CNTN4: variants seen among roughly 807,000 people sequenced by gnomAD.
CNTN4 encodes the protein contactin 4.
In CNTN4, 77 loss-of-function variants were observed where a neutral mutation model predicts 122.5. The observed-to-expected ratio is 0.63, with a 90% CI of 0.52 to 0.76. The LOEUF is 0.76. CNTN4 is among the 30% of genes least tolerant of loss of function. CNTN4 has a pLI of 0.00. For missense variants in CNTN4, 1,256 were observed against 1,259.1 expected (o/e 1.00, Z 0.04); for synonymous variants, 512 against 447.0 (o/e 1.15, Z -1.83).
intron 7 of CNTN4, among the ~76,000 whole-genome samples, chr3:2,830,120 G>A (rs777227169): frequency 2.0e-5 from 3 of 152,020 alleles, no homozygotes; most frequent in Non-Finnish European, 2.9e-5. Flanking sequence ...TTGTGCAAAC[G>A]TTTCTATGTG....
intron 3 of CNTN4, among the ~76,000 whole-genome samples, chr3:2,416,403 A>G (rs1047617377): frequency 6.6e-6 from 1 of 152,196 alleles, no homozygotes; most frequent in African/African-American, 2.4e-5. Context: ...GCGTTATATA[A>G]CATATGTAAA....
At chr3:2,696,880 C>T (rs2222105) in intron 4 of CNTN4, among the ~76,000 whole-genome samples, 1 of 152,194 alleles carries the variant, frequency 6.6e-6, no homozygotes, top group Non-Finnish European at 1.5e-5. Context: ...CAAACTTTGT[C>T]TGGAGCATCC....
chr3:2,308,735 T>C (rs1240968747), intron 2 of CNTN4, among the ~76,000 whole-genome samples: 1 of 152,132 alleles, frequency 6.6e-6, no homozygotes, highest in Non-Finnish European at 1.5e-5. Flanking sequence ...TTTAATTTTA[T>C]TGTGGTCAGA....
intron 3 of CNTN4, among the ~76,000 whole-genome samples, chr3:2,457,758 T>G (rs1368347492): frequency 6.6e-6 from 1 of 152,110 alleles, no homozygotes; most frequent in Non-Finnish European, 1.5e-5. Flanking sequence ...TGCAGAAATT[T>G]CCATGTCCCT....
At chr3:2,969,533 T>TGA (rs1692684998) in intron 13 of CNTN4, among the ~76,000 whole-genome samples, 1 of 152,062 alleles carries the variant, frequency 6.6e-6, no homozygotes, top group African/African-American at 2.4e-5. Context: ...ATTATTATTA[T>TGA]TATTATTCCT....
intron 4 of CNTN4, among the ~76,000 whole-genome samples, chr3:2,607,029 G>T (rs901586229): frequency 3.9e-5 from 6 of 152,062 alleles, no homozygotes; most frequent in African/African-American, 1.4e-4. Context: ...CCTATCCCCA[G>T]GTTTTTAGGA....
intron 14 of CNTN4, among the ~76,000 whole-genome samples, chr3:2,998,755 A>G (rs1175267091): frequency 6.6e-6 from 1 of 152,188 alleles, no homozygotes; most frequent in Non-Finnish European, 1.5e-5. Flanking sequence ...AAGTGAGGGG[A>G]ACACACCCAT....
chr3:2,592,364 A>G (rs539452768), intron 4 of CNTN4, among the ~76,000 whole-genome samples: 3 of 152,338 alleles, frequency 2.0e-5, no homozygotes, highest in African/African-American at 7.2e-5. Flanking sequence ...AATATAATTC[A>G]AAGTGTTTAA....
At chr3:2,169,629 CCT>C (rs2036370152) in intron 2 of CNTN4, among the ~76,000 whole-genome samples, 1 of 151,806 alleles carries the variant, frequency 6.6e-6, no homozygotes, top group Non-Finnish European at 1.5e-5. Context: ...GATCTCCTGA[CCT>C]CGTGATCCAC....
chr3:2,260,301 A>G (rs1330046569), intron 2 of CNTN4, among the ~76,000 whole-genome samples: 1 of 152,012 alleles, frequency 6.6e-6, no homozygotes, highest in Non-Finnish European at 1.5e-5. Context: ...ACCCTGTAGC[A>G]CCACCCGAGT....
chr3:2,434,457 A>G (rs2048190200), intron 3 of CNTN4, among the ~76,000 whole-genome samples: 1 of 152,230 alleles, frequency 6.6e-6, no homozygotes, highest in Non-Finnish European at 1.5e-5. Context: ...AGGAGAATGT[A>G]AATGGAGAAG....
At chr3:2,783,023 A>G (rs755389378) in intron 6 of CNTN4, among the ~76,000 whole-genome samples, 4 of 152,224 alleles carry the variant, frequency 2.6e-5, no homozygotes, top group Non-Finnish European at 4.4e-5. Flanking sequence ...TTACGCCTGT[A>G]ATCACAGCAC....
At chr3:2,225,160 C>CCAA (rs10632045) in intron 2 of CNTN4, among the ~76,000 whole-genome samples, 20,387 of 148,994 alleles carry the variant, frequency 0.14, 1,885 homozygotes, top group African/African-American at 0.27. Context: ...CCACCACCCC[C>CCAA]AAAAAAAAAG....
At chr3:2,651,305 G>T (rs115776969) in intron 4 of CNTN4, among the ~76,000 whole-genome samples, 23 of 152,220 alleles carry the variant, frequency 1.5e-4, no homozygotes, top group African/African-American at 5.3e-4. Context: ...CTTCCTTTGT[G>T]CTCCCGATGA....
At chr3:2,658,441 A>G (rs558562644) in intron 4 of CNTN4, among the ~76,000 whole-genome samples, 19 of 152,324 alleles carry the variant, frequency 1.2e-4, no homozygotes, top group African/African-American at 4.6e-4. Context: ...ATGACTATGA[A>G]GGCAGGTACC....
chr3:2,647,050 T>G (rs2083155192), intron 4 of CNTN4, among the ~76,000 whole-genome samples: 1 of 152,090 alleles, frequency 6.6e-6, no homozygotes, highest in Non-Finnish European at 1.5e-5. Context: ...TTTTCAGAAC[T>G]GATATTAAAT....
At chr3:2,452,362 T>G (rs1027816288) in intron 3 of CNTN4, among the ~76,000 whole-genome samples, 1 of 152,160 alleles carries the variant, frequency 6.6e-6, no homozygotes, top group Admixed American at 6.5e-5. Context: ...TCATGCGAAT[T>G]CACCGAGGCT....
intron 2 of CNTN4, among the ~76,000 whole-genome samples, chr3:2,320,692 C>T (rs372483280): frequency 1.1e-4 from 16 of 152,090 alleles, no homozygotes; most frequent in African/African-American, 3.4e-4. Flanking sequence ...TAAATTATCC[C>T]GAAGCAAATA....
At chr3:2,358,860 A>G (rs2044988969) in intron 3 of CNTN4, among the ~76,000 whole-genome samples, 1 of 152,150 alleles carries the variant, frequency 6.6e-6, no homozygotes, top group South Asian at 2.1e-4. Flanking sequence ...AAAATACCAG[A>G]GGATGTCATG....
Sources: gnomAD v4.1 joint callset for allele counts (sites outside exome capture counted in the v4.1 genomes callset) on GRCh38, gnomAD v4.1.1 for gene constraint, MANE v1.5 for transcripts, NCBI Gene and HGNC (gene_info 2026-07-23, HGNC 2026-07-21) for gene names.